CSNK2A2IP: variants seen among roughly 807,000 people sequenced by gnomAD.
CSNK2A2IP encodes the protein casein kinase 2 subunit alpha' interacting protein, also known as casein kinase II subunit alpha'-interacting protein.
the CSNK2A2IP span, among the ~76,000 whole-genome samples, chr3:88,358,871 C>G: frequency 6.6e-6 from 1 of 151,674 alleles, no homozygotes; most frequent in Non-Finnish European, 1.5e-5. Context: ...GTATTTCCTC[C>G]TCCTGGATTT....
the CSNK2A2IP span, among the ~76,000 whole-genome samples, chr3:88,341,302 T>C: frequency 6.6e-6 from 1 of 151,854 alleles, no homozygotes; most frequent in African/African-American, 2.4e-5. Context: ...ATTATTATTA[T>C]ATGCATTTTT....
the CSNK2A2IP span, among the ~76,000 whole-genome samples, chr3:88,420,396 T>C: frequency 2.0e-5 from 3 of 152,140 alleles, no homozygotes; most frequent in Non-Finnish European, 2.9e-5. Flanking sequence ...GTTAGTACTT[T>C]GTTGTCATGT....
chr3:88,458,653 T>C, the CSNK2A2IP span, among the ~76,000 whole-genome samples: 1 of 152,120 alleles, frequency 6.6e-6, no homozygotes, highest in Non-Finnish European at 1.5e-5. Flanking sequence ...GAAGCTAATG[T>C]CATTAATTTG....
the CSNK2A2IP span, chr3:88,382,466 G>A: frequency 2.0e-5 from 3 of 152,182 alleles, no homozygotes; most frequent in African/African-American, 4.8e-5. Flanking sequence ...ACTTCTGAAT[G>A]AGCAATCTAA....
chr3:88,466,869 A>G, the CSNK2A2IP span: 4 of 1,150,684 alleles, frequency 3.5e-6, no homozygotes, highest in Non-Finnish European at 4.4e-6. Flanking sequence ...TTTCTGTCAT[A>G]CCAACACCTG....
At chr3:88,414,413 G>A in the CSNK2A2IP span, among the ~76,000 whole-genome samples, 1 of 150,268 alleles carries the variant, frequency 6.7e-6, no homozygotes, top group East Asian at 2.0e-4. Context: ...CTCCTGAGTA[G>A]CTGGGACTAC....
At chr3:88,394,160 T>C in the CSNK2A2IP span, among the ~76,000 whole-genome samples, 7 of 152,336 alleles carry the variant, frequency 4.6e-5, no homozygotes, top group East Asian at 1.4e-3. Flanking sequence ...TGCAGACACT[T>C]ATTTATCTGG....
At chr3:88,374,411 T>C in the CSNK2A2IP span, among the ~76,000 whole-genome samples, 1 of 151,630 alleles carries the variant, frequency 6.6e-6, no homozygotes, top group Non-Finnish European at 1.5e-5. Flanking sequence ...GATATGGATT[T>C]GGGAGTCATC....
At chr3:88,388,711 T>C in the CSNK2A2IP span, among the ~76,000 whole-genome samples, 2 of 152,208 alleles carry the variant, frequency 1.3e-5, no homozygotes, top group Admixed American at 6.5e-5. Flanking sequence ...AAAACCTTCA[T>C]ATCCCTGTAT....
the CSNK2A2IP span, among the ~76,000 whole-genome samples, chr3:88,359,137 C>A: frequency 6.6e-6 from 1 of 151,094 alleles, no homozygotes; most frequent in African/African-American, 2.4e-5. Flanking sequence ...TCTAGAAGTT[C>A]ATTCATTTCT....
At chr3:88,366,997 A>G in the CSNK2A2IP span, among the ~76,000 whole-genome samples, 4 of 152,068 alleles carry the variant, frequency 2.6e-5, no homozygotes, top group Non-Finnish European at 5.9e-5. Flanking sequence ...TGAGAAGAGT[A>G]TAGGGGAAAC....
the CSNK2A2IP span, among the ~76,000 whole-genome samples, chr3:88,440,992 G>T: frequency 6.6e-6 from 1 of 152,052 alleles, no homozygotes; most frequent in Non-Finnish European, 1.5e-5. Flanking sequence ...AGGAAACTTT[G>T]GCTGCCTCAT....
the CSNK2A2IP span, among the ~76,000 whole-genome samples, chr3:88,433,529 C>T: frequency 6.6e-6 from 1 of 151,942 alleles, no homozygotes; most frequent in East Asian, 1.9e-4. Context: ...TAATTTAACT[C>T]CATATGAAAG....
the CSNK2A2IP span, among the ~76,000 whole-genome samples, chr3:88,369,997 A>G: frequency 1.3e-5 from 2 of 151,890 alleles, no homozygotes; most frequent in African/African-American, 4.8e-5. Flanking sequence ...AGCAACTGGA[A>G]TCCAAGAACA....
chr3:88,352,545 T>C, the CSNK2A2IP span, among the ~76,000 whole-genome samples: 1 of 152,026 alleles, frequency 6.6e-6, no homozygotes, highest in African/African-American at 2.4e-5. Flanking sequence ...AAAAAAGAAA[T>C]ATTGAATCTG....
At chr3:88,347,022 C>A in the CSNK2A2IP span, among the ~76,000 whole-genome samples, 1 of 151,902 alleles carries the variant, frequency 6.6e-6, no homozygotes, top group Non-Finnish European at 1.5e-5. Context: ...TGATTCCAAC[C>A]CGCATTGAGA....
chr3:88,437,255 T>C, the CSNK2A2IP span, among the ~76,000 whole-genome samples: 3 of 152,212 alleles, frequency 2.0e-5, no homozygotes, highest in African/African-American at 7.2e-5. Flanking sequence ...GCCAGCTATC[T>C]GTTTACCTCT....
At chr3:88,362,393 A>G in the CSNK2A2IP span, among the ~76,000 whole-genome samples, 6 of 152,198 alleles carry the variant, frequency 3.9e-5, no homozygotes, top group African/African-American at 1.2e-4. Flanking sequence ...GGTTTGGGGA[A>G]GATAAGGGAG....
chr3:88,370,318 T>C, the CSNK2A2IP span, among the ~76,000 whole-genome samples: 1 of 151,862 alleles, frequency 6.6e-6, no homozygotes, highest in Non-Finnish European at 1.5e-5. Context: ...CATGATTATT[T>C]TGAGATAATT....
Sources: allele counts gnomAD v4.1 joint callset (sites outside exome capture counted in the v4.1 genomes callset), GRCh38; gene constraint gnomAD v4.1.1; transcripts MANE v1.5; gene names NCBI Gene and HGNC (gene_info 2026-07-23, HGNC 2026-07-21).